Variants in VGLL4 observed in about 807,000 individuals in gnomAD.
VGLL4 encodes the protein transcription cofactor vestigial-like protein 4.
Under a neutral mutation model 21.0 loss-of-function variants are expected in VGLL4, and 7 were observed. The observed-to-expected ratio is 0.33, with a 90% confidence interval of 0.19 to 0.63. The LOEUF (loss-of-function observed/expected upper bound fraction) is 0.63. Ranked by LOEUF, VGLL4 falls within the 20% of genes least tolerant of loss-of-function variation. The probability of loss-of-function intolerance (pLI) is 0.78; values close to 1 mark genes in which losing one functional copy is unlikely to be tolerated. For synonymous variants in VGLL4, 222 were observed against 173.2 expected (o/e 1.28, Z -2.21); for missense variants, 394 against 425.7 (o/e 0.93, Z 0.66).
In VGLL4 at chr3:11,670,146, T is replaced by A. The variant is rs564724213; in HGVS notation, c.64+32825A>T. Among the ~76,000 whole-genome samples the A allele has an allele frequency of 2.0e-5, 3 of 149,966 alleles. No homozygotes were observed. In the South Asian group the frequency reaches 6.3e-4, roughly 32 times the overall value. On this transcript the variant is annotated intron_variant, in intron 2 of 5. Coordinates refer to the VGLL4 transcript ENST00000273038. ...AAAAAAAAAAGCAAGAATATTCAGA[T>A]GCGGATGGGCTACCGTAAGTCTTCC...
At chr3:11,633,564 G>T in intron 1 of VGLL4, 1 of 152,742 alleles carries the variant, frequency 6.5e-6, no homozygotes, top group Non-Finnish European at 1.5e-5. Flanking sequence ...CAGCTACTCA[G>T]GAGGCTGAGG....
At chr3:11,570,719 A>G (rs1307500511) in intron 2 of VGLL4, among the ~76,000 whole-genome samples, 1 of 152,206 alleles carries the variant, frequency 6.6e-6, no homozygotes, top group Non-Finnish European at 1.5e-5. Flanking sequence ...GAACATTTAA[A>G]TGTTGGGCAT....
At chr3:11,588,959 A>G (rs915176022) in intron 2 of VGLL4, among the ~76,000 whole-genome samples, 2 of 152,190 alleles carry the variant, frequency 1.3e-5, no homozygotes, top group Non-Finnish European at 2.9e-5. Flanking sequence ...ACTTGGTTAT[A>G]AGGGTCTGTG....
In VGLL4 at chr3:11,568,103, G is replaced by A. The variant is rs1232574826; in HGVS notation, c.273-3084C>T. ...GGGACAGAAAGGCCCGGGAGGGGCT[G>A]CAGCTCCCAAGTGACAGCTCTGGAT... is the stretch of plus-strand genomic sequence containing the variant. On this transcript the variant is annotated intron_variant, in intron 2 of 4. Transcript: ENST00000430365. The surrounding 1 kb of genome is among the most constrained non-coding windows in gnomAD (Gnocchi z 5.9). Among the ~76,000 whole-genome samples, 1 of 152,218 alleles carries A rather than the reference G, an allele frequency of 6.6e-6. No homozygotes were observed. The highest frequency in any genetic ancestry group is 1.5e-5 in the Non-Finnish European group (1 of 68,042).
intron 3 of VGLL4, among the ~76,000 whole-genome samples, chr3:11,560,011 C>T (rs935626038): frequency 2.0e-5 from 3 of 152,132 alleles, no homozygotes; most frequent in Non-Finnish European, 4.4e-5. Context: ...GCACACATCC[C>T]ACCCCAGCCC....
At chr3:11,707,998 T>C (rs374279051) in intron 1 of VGLL4, among the ~76,000 whole-genome samples, 14 of 152,356 alleles carry the variant, frequency 9.2e-5, no homozygotes, top group African/African-American at 3.1e-4. Context: ...TCACACCACA[T>C]TGACAGGCAA....
intron 1 of VGLL4, chr3:11,627,201 T>TACACACACACACACACACACACAC (rs59275196): frequency 2.8e-5 from 4 of 140,856 alleles, no homozygotes; most frequent in South Asian, 2.4e-4. Context: ...GTTTGTTTTA[T>TACACACACACACACACACACACAC]ACACACACAC....
chr3:11,709,199 AGGCCAAGGTG>A (rs1053542356), intron 1 of VGLL4, among the ~76,000 whole-genome samples: 3 of 152,072 alleles, frequency 2.0e-5, no homozygotes, highest in African/African-American at 7.2e-5. Flanking sequence ...GTACTTTGGG[AGGCCAAGGTG>A]GGCGGATCAC....
At chr3:11,602,426 C>T (rs2125268275) in intron 1 of VGLL4, among the ~76,000 whole-genome samples, 1 of 152,148 alleles carries the variant, frequency 6.6e-6, no homozygotes, top group South Asian at 2.1e-4. Flanking sequence ...CTATGCCCAA[C>T]TCACTTTTCC....
intron 1 of VGLL4, among the ~76,000 whole-genome samples, chr3:11,616,328 C>T (rs1192245691): frequency 6.6e-6 from 1 of 151,724 alleles, no homozygotes; most frequent in East Asian, 1.9e-4. Context: ...TGTCTGAAAA[C>T]ATTTACAAGC....
At chr3:11,644,682 C>T (rs1485168750), upstream of VGLL4, among the ~76,000 whole-genome samples, 1 of 151,878 alleles carries the variant, frequency 6.6e-6, no homozygotes, top group Non-Finnish European at 1.5e-5. Flanking sequence ...CCCATCTCTA[C>T]TAAAAATACA....
intron 2 of VGLL4, among the ~76,000 whole-genome samples, chr3:11,596,470 A>G (rs2074643713): frequency 6.6e-6 from 1 of 152,206 alleles, no homozygotes; most frequent in Non-Finnish European, 1.5e-5. Flanking sequence ...GTGGACCATG[A>G]GTACATGTGT....
chr3:11,719,722 G>C lies in VGLL4; in HGVS notation c.-14+672C>G, dbSNP rs865954473. On this transcript the variant is annotated intron_variant, in intron 1 of 5. Coordinates refer to the VGLL4 transcript ENST00000273038. The surrounding 1 kb of genome is among the most constrained non-coding windows in gnomAD (Gnocchi z 4.0). The stretch of plus-strand genomic sequence containing the variant: ...CGGTCACGCCCCTCACGGAGCAGGT[G>C]GGGGCTGAGCCAGGTGAGCCGGGAG... 4.1e-4 allele frequency: 1 copy of C among 2,464 alleles called. No homozygotes were observed. The highest frequency in any genetic ancestry group is 1.9e-3 in the African/African-American group (1 of 536). The allele number at this position is 2,464 out of a possible 1,614,324, so 0.2% of individuals were successfully genotyped here.
intron 2 of VGLL4, among the ~76,000 whole-genome samples, chr3:11,651,898 A>C (rs1056904446): frequency 6.6e-6 from 1 of 152,182 alleles, no homozygotes; most frequent in Non-Finnish European, 1.5e-5. Context: ...TTTTAAAAGG[A>C]CAGTATTTTG....
intron 2 of VGLL4, among the ~76,000 whole-genome samples, chr3:11,667,657 TG>T (rs1254472684): frequency 6.6e-6 from 1 of 152,086 alleles, no homozygotes; most frequent in Admixed American, 6.6e-5. Context: ...TAGAAGACCA[TG>T]GAAAGCGACC....
At chr3:11,617,987 G>A (rs1474724697) in intron 1 of VGLL4, among the ~76,000 whole-genome samples, 2 of 152,204 alleles carry the variant, frequency 1.3e-5, no homozygotes, top group Non-Finnish European at 2.9e-5. Context: ...GGCAGGGGTT[G>A]TGCTAAGAGC....
At position 11,612,820 on chromosome 3, in the gene VGLL4, G is replaced by C. The variant is rs138753365; in HGVS notation, c.83-10798C>G. Among the ~76,000 whole-genome samples the C allele has an allele frequency of 2.1e-4, 32 of 152,362 alleles. No individual in the cohort carries two copies. In the East Asian group the frequency reaches 6.0e-3, roughly 28 times the overall value. On this transcript the variant is annotated intron_variant, in intron 1 of 4. Transcript: ENST00000430365. ...ACCCCAAGGAGACAAAGCCAGCTCA[G>C]AACCTTTAACACCAAGTGCACAGTC...
At chr3:11,655,672 A>G (rs961443243) in intron 2 of VGLL4, among the ~76,000 whole-genome samples, 1 of 152,210 alleles carries the variant, frequency 6.6e-6, no homozygotes, top group Admixed American at 6.5e-5. Context: ...TGCGGGGACT[A>G]AGGGGTCCTA....
chr3:11,572,199 A>G (rs901149192), intron 2 of VGLL4, among the ~76,000 whole-genome samples: 2 of 152,224 alleles, frequency 1.3e-5, no homozygotes, highest in Non-Finnish European at 2.9e-5. Flanking sequence ...ATGCCCAATC[A>G]TATGCTAGAC....
Sources: allele counts gnomAD v4.1 joint callset (sites outside exome capture counted in the v4.1 genomes callset), GRCh38; gene constraint gnomAD v4.1.1; non-coding constraint Gnocchi (gnomAD v3.1); transcripts MANE v1.5; gene names NCBI Gene and HGNC (gene_info 2026-07-23, HGNC 2026-07-21).